Variants in FSTL5 observed in about 807,000 individuals in gnomAD.
FSTL5 encodes the protein follistatin-related protein 5.
Under a neutral mutation model 89.1 loss-of-function variants are expected in FSTL5, and 62 were observed. The ratio of observed to expected loss-of-function variants is 0.70; its 90% CI spans 0.57 to 0.86. The LOEUF is 0.86. FSTL5 is among the 40% of genes least tolerant of loss of function. FSTL5 has a pLI of 0.00. For synonymous variants in FSTL5, 383 were observed against 346.2 expected (o/e 1.11, Z -1.18); for missense variants, 1,057 against 1,001.6 (o/e 1.06, Z -0.75).
chr4:161,541,825 A>C (rs1423603943), intron 9 of FSTL5, among the ~76,000 whole-genome samples: 1 of 151,916 alleles, frequency 6.6e-6, no homozygotes, highest in African/African-American at 2.4e-5. Flanking sequence ...CAATGAAAAA[A>C]AGGTTTGTGG....
intron 13 of FSTL5, among the ~76,000 whole-genome samples, chr4:161,459,778 T>A (rs1345886206): frequency 6.6e-6 from 1 of 152,090 alleles, no homozygotes; most frequent in East Asian, 1.9e-4. Context: ...AAGATTTCAC[T>A]ATCTGTAATG....
At chr4:161,642,801 T>C (rs1736010278) in intron 7 of FSTL5, among the ~76,000 whole-genome samples, 1 of 57,616 alleles carries the variant, frequency 1.7e-5, no homozygotes, top group African/African-American at 6.6e-5. Context: ...GAGAGGAAGA[T>C]AGAATGGGCA....
chr4:161,674,383 A>G (rs1420478953), intron 6 of FSTL5, among the ~76,000 whole-genome samples: 1 of 152,172 alleles, frequency 6.6e-6, no homozygotes, highest in Admixed American at 6.6e-5. Flanking sequence ...ACAGAATAAA[A>G]GACGGAAAAA....
chr4:161,594,579 T>A (rs1346078007), intron 7 of FSTL5, among the ~76,000 whole-genome samples: 3 of 152,068 alleles, frequency 2.0e-5, no homozygotes, highest in East Asian at 3.9e-4. Context: ...TAAATTACCA[T>A]ATCTAAATTA....
chr4:161,552,920 G>T (rs1476617086), intron 8 of FSTL5, among the ~76,000 whole-genome samples: 2 of 151,494 alleles, frequency 1.3e-5, no homozygotes, highest in Non-Finnish European at 3.0e-5. Context: ...CAAACCATTT[G>T]TTACAGGCAT....
intron 3 of FSTL5, among the ~76,000 whole-genome samples, chr4:161,950,138 G>A (rs1333244429): frequency 3.3e-5 from 5 of 152,110 alleles, no homozygotes; most frequent in African/African-American, 1.2e-4. Context: ...TACTGATTCA[G>A]TTAGAATGAA....
rs574239300 is a variant in FSTL5, at chr4:161,445,380, T to C, written c.1841+9624A>G. Reference sequence around the variant, plus strand: ...ATCACTGTTTACCATAATAAAAAAGTTAATCTTTCAATTATTTACATTATA... The same window carrying C: ...ATCACTGTTTACCATAATAAAAAAGCTAATCTTTCAATTATTTACATTATA... On this transcript the variant is annotated intron_variant, in intron 15 of 15. Transcript: ENST00000306100. Among the ~76,000 whole-genome samples, 69 of 151,974 alleles carry C rather than the reference T, an allele frequency of 4.5e-4. 2 individuals carry two copies. The South Asian group carries it at 0.014, about 30-fold the overall frequency.
intron 8 of FSTL5, among the ~76,000 whole-genome samples, chr4:161,573,430 A>AAG (rs1560960128): frequency 2.1e-5 from 3 of 142,198 alleles, no homozygotes; most frequent in Non-Finnish European, 3.1e-5. Flanking sequence ...AAAAAAAAAA[A>AAG]AGAGAGAGAG....
At chr4:161,418,878 A>C (rs1731882737) in intron 15 of FSTL5, among the ~76,000 whole-genome samples, 1 of 152,230 alleles carries the variant, frequency 6.6e-6, no homozygotes, top group Non-Finnish European at 1.5e-5. Flanking sequence ...GCTGCCTTGC[A>C]TTATACAAGT....
chr4:161,904,817 G>T (rs1461551708), intron 4 of FSTL5, among the ~76,000 whole-genome samples: 1 of 151,878 alleles, frequency 6.6e-6, no homozygotes, highest in African/African-American at 2.4e-5. Context: ...ACATATCAGT[G>T]TAACATGAAT....
intron 6 of FSTL5, among the ~76,000 whole-genome samples, chr4:161,736,756 A>C (rs560076607): frequency 6.6e-6 from 1 of 152,138 alleles, no homozygotes; most frequent in Admixed American, 6.6e-5. Flanking sequence ...AGTTAAAAAC[A>C]GATTCCTCTG....
intron 7 of FSTL5, among the ~76,000 whole-genome samples, chr4:161,588,467 G>A (rs550408682): frequency 9.9e-5 from 15 of 151,858 alleles, no homozygotes; most frequent in Non-Finnish European, 1.8e-4. Context: ...AAATAGTGGA[G>A]ATAAATGCAT....
chr4:161,946,567 T>C (rs1469869095), intron 3 of FSTL5, among the ~76,000 whole-genome samples: 1 of 152,162 alleles, frequency 6.6e-6, no homozygotes, highest in Non-Finnish European at 1.5e-5. Context: ...CTAGCAATCA[T>C]TCAGGTTGCT....
At chr4:161,817,663 A>C (rs1265570359) in intron 4 of FSTL5, among the ~76,000 whole-genome samples, 2 of 152,206 alleles carry the variant, frequency 1.3e-5, no homozygotes, top group East Asian at 1.9e-4. Context: ...CAGAGATTTC[A>C]ATTTTGATAG....
chr4:161,579,923 G>A (rs1190058200), intron 8 of FSTL5, among the ~76,000 whole-genome samples: 1 of 151,878 alleles, frequency 6.6e-6, no homozygotes, highest in Non-Finnish European at 1.5e-5. Context: ...TTGGTTCTTT[G>A]GACTTTGCAT....
At chr4:161,422,840 T>C (rs1732036726) in intron 15 of FSTL5, among the ~76,000 whole-genome samples, 4 of 152,174 alleles carry the variant, frequency 2.6e-5, no homozygotes, top group African/African-American at 9.7e-5. Context: ...GGAATGGGCC[T>C]ATGGACCGAA....
chr4:161,443,314 C>A (rs940263442), intron 15 of FSTL5, among the ~76,000 whole-genome samples: 1 of 151,920 alleles, frequency 6.6e-6, no homozygotes, highest in African/African-American at 2.4e-5. Context: ...AAGACACAGA[C>A]CTGCAAAGAG....
intron 12 of FSTL5, among the ~76,000 whole-genome samples, chr4:161,489,917 A>ATT (rs35710795): frequency 1.3e-5 from 2 of 151,736 alleles, no homozygotes; most frequent in South Asian, 2.1e-4. Context: ...AAAATGCAGA[A>ATT]TTTTTTTTGT....
intron 6 of FSTL5, among the ~76,000 whole-genome samples, chr4:161,733,787 T>A (rs1044906768): frequency 6.6e-6 from 1 of 152,042 alleles, no homozygotes; most frequent in Non-Finnish European, 1.5e-5. Flanking sequence ...TACTTACTTT[T>A]ATAATCAAAA....
Sources: allele counts gnomAD v4.1 joint callset (sites outside exome capture counted in the v4.1 genomes callset), GRCh38; gene constraint gnomAD v4.1.1; transcripts MANE v1.5; gene names NCBI Gene and HGNC (gene_info 2026-07-23, HGNC 2026-07-21).